TBC1D24: variants seen among roughly 807,000 people sequenced by gnomAD.
TBC1D24 encodes the protein TBC1 domain family member 24, also known as Infantile myoclonic epilepsy.
TBC1D24 carries 47 observed loss-of-function variants against 50.7 expected under a neutral mutation model. The observed-to-expected ratio is 0.93, with a 90% confidence interval of 0.73 to 1.18. The LOEUF (loss-of-function observed/expected upper bound fraction) is 1.18, where lower values mean the gene tolerates loss of function less well. TBC1D24 is among the 50% of genes most tolerant of loss of function. TBC1D24 has a pLI of 0.00. For synonymous variants in TBC1D24, 324 were observed against 335.2 expected, an observed-to-expected ratio of 0.97 and a Z score of 0.36; for missense variants, 688 against 766.5, an observed-to-expected ratio of 0.90 and a Z score of 1.21.
rs1383937921 is a variant in TBC1D24, at chr16:2,500,991, G to T, written c.*33G>T. ...TGCCACGGTGACTGAGCCGTGGTGG[G>T]GCGGTGGGCCGAGGCTGGGCTGCCG... On this transcript the variant is annotated 3_prime_UTR_variant, in exon 8 of 8. Transcript: ENST00000646147. The surrounding 1 kb of genome is among the most constrained non-coding windows in gnomAD (Gnocchi z 8.0). 1 of 1,604,616 alleles carries T rather than the reference G, an allele frequency of 6.2e-7. No homozygotes were observed. The highest frequency in any genetic ancestry group is 2.2e-5 in the East Asian group (1 of 44,872).
At position 2,485,672 on chromosome 16, in the gene TBC1D24, A is replaced by G. The variant is rs999781929; in HGVS notation, c.-115-10362A>G. On this transcript the variant is annotated intron_variant, in intron 1 of 7. Transcript: ENST00000646147. The surrounding 1 kb of genome is among the most constrained non-coding windows in gnomAD (Gnocchi z 4.6). ...GTGGGGGGCTTGTGGGATCTGAGCT[A>G]TCTCCAGGTAGATGTCTCCCGGTGT... Among the ~76,000 whole-genome samples, 1 of 152,122 alleles carries G rather than the reference A, an allele frequency of 6.6e-6. No individual in the cohort carries two copies. Among genetic ancestry groups the G allele is most frequent in the Non-Finnish European group, 1.5e-5 (1 of 68,022 alleles).
At chr16:2,488,082 C>A (rs1032075906) in intron 1 of TBC1D24, among the ~76,000 whole-genome samples, 1 of 152,244 alleles carries the variant, frequency 6.6e-6, no homozygotes, top group Non-Finnish European at 1.5e-5. Context: ...CTCCCACCTG[C>A]CTCCTGGCTA....
intron 4 of TBC1D24, among the ~76,000 whole-genome samples, chr16:2,498,875 C>A (rs2065766893): frequency 1.3e-5 from 2 of 152,324 alleles, no homozygotes; most frequent in South Asian, 4.1e-4. Flanking sequence ...GTGAGGCAGG[C>A]AGAGCTGGTC....
In TBC1D24 at chr16:2,499,284, G is replaced by A; in HGVS notation, c.1143-73G>A. On this transcript the variant is annotated intron_variant, in intron 4 of 7. Transcript: ENST00000646147. This position sits in a 1 kb window ranked among gnomAD's most constrained non-coding sequence, Gnocchi z 4.0. ...CAGGTCTTCGCCCCAAGACAGCTGG[G>A]GCCAGCGGAGGCTGCAGGAGGCGGC... 7.1e-7 allele frequency: 1 copy of A among 1,398,800 alleles called. No homozygotes were observed. The highest frequency in any genetic ancestry group is 1.0e-6 in the Non-Finnish European group (1 of 1,000,412). The allele number at this position is 1,398,800 out of a possible 1,614,324, so 86.6% of individuals were successfully genotyped here. A position where few individuals can be genotyped will look rare whatever the true frequency, so the allele number is the denominator to read the frequency against.
At position 2,497,856 on chromosome 16, in the gene TBC1D24, G is replaced by A. The variant is rs1380060806; in HGVS notation, c.983+129G>A. 3.2e-6 allele frequency: 3 copies of A among 939,392 alleles called. No individual in the cohort carries two copies. In the East Asian group the frequency reaches 7.9e-5, roughly 25 times the overall value. 58.2% of individuals were successfully genotyped at this position (939,392 alleles called of 1,614,324 possible). On this transcript the variant is annotated intron_variant, in intron 3 of 7. Coordinates refer to ENST00000646147, the MANE Select transcript of TBC1D24 (RefSeq NM_001199107.2). ...CTTCAGCAGCGCTGCCTCTGAGCCGGACTGATGCTCAGGCGCCTTCTGTCT... is the reference window on the plus strand; with the variant it reads ...CTTCAGCAGCGCTGCCTCTGAGCCGAACTGATGCTCAGGCGCCTTCTGTCT...
At position 2,485,471 on chromosome 16, in the gene TBC1D24, T is replaced by C. The variant is rs943203684; in HGVS notation, c.-116+10301T>C. The C allele has an allele frequency of 6.6e-6, 1 of 152,250 alleles. No individual in the cohort carries two copies. The highest frequency in any genetic ancestry group is 2.4e-5 in the African/African-American group (1 of 41,462). The allele number at this position is 152,250 out of a possible 1,614,324, so 9.4% of individuals were successfully genotyped here. On this transcript the variant is annotated intron_variant, in intron 1 of 7. Coordinates refer to ENST00000646147, the MANE Select transcript of TBC1D24 (RefSeq NM_001199107.2). This position sits in a 1 kb window ranked among gnomAD's most constrained non-coding sequence, Gnocchi z 4.6. ...GTACCTCACCCTAAAGGTCTCTTCATCTGTGTCCTTTGTAACAACCTTTAT... is the reference window on the plus strand; with the variant it reads ...GTACCTCACCCTAAAGGTCTCTTCACCTGTGTCCTTTGTAACAACCTTTAT...
At position 2,490,726 on chromosome 16, in the gene TBC1D24, G is replaced by A. The variant is rs183574124; in HGVS notation, c.-115-5308G>A. Reference sequence around the variant, plus strand: ...CAACCGCAGGTTAGGGAAGATGCACGGCTTGTCCGCATTTCAAGCAAACAA... The same window carrying A: ...CAACCGCAGGTTAGGGAAGATGCACAGCTTGTCCGCATTTCAAGCAAACAA... On this transcript the variant is annotated intron_variant, in intron 1 of 7. Transcript: ENST00000646147. 2.0e-3 allele frequency among the ~76,000 whole-genome samples: 310 copies of A among 152,292 alleles called. 2 individuals carry two copies. The highest frequency in any genetic ancestry group is 6.8e-3 in the Middle Eastern group (2 of 294).
chr16:2,500,520 G>C lies in TBC1D24; in HGVS notation c.1525+30G>C. On this transcript the variant is annotated intron_variant, in intron 7 of 7. Coordinates refer to ENST00000646147, the MANE Select transcript of TBC1D24 (RefSeq NM_001199107.2). This position sits in a 1 kb window ranked among gnomAD's most constrained non-coding sequence, Gnocchi z 8.0. The stretch of plus-strand genomic sequence containing the variant: ...GCGCCAGCAGACGGGGCTCTGGGAT[G>C]AGGGTGTGGGGTCCGGGCAGCTGAA... The C allele has an allele frequency of 6.5e-7, 1 of 1,539,658 alleles. No homozygotes were observed. Among genetic ancestry groups the C allele is most frequent in the Non-Finnish European group, 8.7e-7 (1 of 1,143,408 alleles).
At chr16:2,498,128 G>T in intron 3 of TBC1D24, 110 bp from the exon 4 acceptor site, 2 of 1,424,158 alleles carry the variant, frequency 1.4e-6, no homozygotes, top group South Asian at 1.2e-5. Flanking sequence ...GCAAGCAGGC[G>T]AGAAGTTCCC....
In TBC1D24 at chr16:2,496,035, G is replaced by T; in HGVS notation, c.-114G>T. The stretch of plus-strand genomic sequence containing the variant: ...AAAAGTGTTTTTTTAATCCTGCAGG[G>T]TGTGAGATGGCAGACAGGTTTGCAG... On this transcript the variant is annotated splice_region_variant and 5_prime_UTR_variant, in exon 2 of 8. Coordinates refer to ENST00000646147, the MANE Select transcript of TBC1D24 (RefSeq NM_001199107.2). 6.0e-6 allele frequency: 8 copies of T among 1,338,226 alleles called. No individual in the cohort carries two copies. Among genetic ancestry groups the T allele is most frequent in the Non-Finnish European group, 8.4e-6 (8 of 953,518 alleles). 82.9% of individuals were successfully genotyped at this position (1,338,226 alleles called of 1,614,324 possible).
rs1012354118 is a variant in TBC1D24, at chr16:2,485,646, C to T, written c.-115-10388C>T. ...TGGACTTCTGACTGGTGTCTGGAGA[C>T]GTGGGGGGCTTGTGGGATCTGAGCT... On this transcript the variant is annotated intron_variant, in intron 1 of 7. Coordinates refer to ENST00000646147, the MANE Select transcript of TBC1D24 (RefSeq NM_001199107.2). The surrounding 1 kb of genome is among the most constrained non-coding windows in gnomAD (Gnocchi z 4.6). The T allele has an allele frequency of 2.6e-5, 4 of 152,226 alleles. No individual in the cohort carries two copies. Among genetic ancestry groups the T allele is most frequent in the East Asian group, 1.9e-4 (1 of 5,184 alleles). 9.4% of individuals were successfully genotyped at this position (152,226 alleles called of 1,614,324 possible).
intron 1 of TBC1D24, chr16:2,493,647 A>C (rs1382723545): frequency 6.6e-6 from 1 of 152,212 alleles, no homozygotes; most frequent in Non-Finnish European, 1.5e-5. Context: ...CACTCAACCA[A>C]AACCTGCTGA....
Position 2,499,958 on chromosome 16 carries a change from C to G in TBC1D24, c.1302+28C>G. The G allele has an allele frequency of 6.3e-7, 1 of 1,597,830 alleles. No individual in the cohort carries two copies. The highest frequency in any genetic ancestry group is 8.6e-7 in the Non-Finnish European group (1 of 1,165,222). ...GAGTGGGGCCAAGTGTCCCCAAACC[C>G]CCACGCAGACCCTGTAGCTGCATCC... On this transcript the variant is annotated intron_variant, in intron 6 of 7. Transcript: ENST00000646147. This position sits in a 1 kb window ranked among gnomAD's most constrained non-coding sequence, Gnocchi z 4.0.
chr16:2,491,487 C>T (rs1182132165), intron 1 of TBC1D24, among the ~76,000 whole-genome samples: 2 of 151,400 alleles, frequency 1.3e-5, no homozygotes, highest in African/African-American at 4.9e-5. Flanking sequence ...CTCCTGGGCT[C>T]TGGTGATCCT....
rs998295095 is a variant in TBC1D24, at chr16:2,487,302, C to T, written c.-115-8732C>T. ...AAGCCGCCTCTCCCTGGCACAGAGG[C>T]GGCACCTCAGTGGAGGTCTGTCATG... On this transcript the variant is annotated intron_variant, in intron 1 of 7. Transcript: ENST00000646147. This position sits in a 1 kb window ranked among gnomAD's most constrained non-coding sequence, Gnocchi z 4.1. Among the ~76,000 whole-genome samples, 1 of 152,216 alleles carries T rather than the reference C, an allele frequency of 6.6e-6. No individual in the cohort carries two copies. The highest frequency in any genetic ancestry group is 2.4e-5 in the African/African-American group (1 of 41,466).
intron 1 of TBC1D24, chr16:2,480,259 T>C (rs1185630518): frequency 6.6e-6 from 1 of 152,190 alleles, no homozygotes; most frequent in Non-Finnish European, 1.5e-5. Context: ...GCCTTCTGAG[T>C]GGCTGGGACT....
chr16:2,500,229 A>G lies in TBC1D24; in HGVS notation c.1303-39A>G. ...GGCTCTGGGGCAGAGGGGCCTGCGA[A>G]CGCCCGCGCCAGCTCCTCACACTCC... is the stretch of plus-strand genomic sequence containing the variant. On this transcript the variant is annotated intron_variant, in intron 6 of 7. Coordinates refer to ENST00000646147, the MANE Select transcript of TBC1D24 (RefSeq NM_001199107.2). The surrounding 1 kb of genome is among the most constrained non-coding windows in gnomAD (Gnocchi z 8.0). 1 of 1,529,194 alleles carries G rather than the reference A, an allele frequency of 6.5e-7. No homozygotes were observed. The highest frequency in any genetic ancestry group is 8.9e-7 in the Non-Finnish European group (1 of 1,124,426). 94.7% of individuals were successfully genotyped at this position (1,529,194 alleles called of 1,614,324 possible).
rs886051847 is a variant in TBC1D24 at position 2,501,015 on chromosome 16, C to T, written c.*57C>T. ...GGGCGGTGGGCCGAGGCTGGGCTGCCGCCTCGGGCAGCAGAGAGCAGATGA... is the reference window on the plus strand; with the variant it reads ...GGGCGGTGGGCCGAGGCTGGGCTGCTGCCTCGGGCAGCAGAGAGCAGATGA... On this transcript the variant is annotated 3_prime_UTR_variant, in exon 8 of 8. Coordinates refer to ENST00000646147, the MANE Select transcript of TBC1D24 (RefSeq NM_001199107.2). 2.5e-6 allele frequency: 4 copies of T among 1,596,006 alleles called. No homozygotes were observed. In the African/African-American group the frequency reaches 4.0e-5, roughly 16 times the overall value.
Position 2,500,608 on chromosome 16 carries a change from AC to A in TBC1D24, c.1525+120del. The A allele has an allele frequency of 1.5e-6, 2 of 1,316,184 alleles. No individual in the cohort carries two copies. The highest frequency in any genetic ancestry group is 2.1e-6 in the Non-Finnish European group (2 of 966,482). The allele number at this position is 1,316,184 out of a possible 1,614,324, so 81.5% of individuals were successfully genotyped here. A position where few individuals can be genotyped will look rare whatever the true frequency, so the allele number is the denominator to read the frequency against. The stretch of plus-strand genomic sequence containing the variant: ...GAAGAGGCCCTGGGTGTCAGGGTGG[AC>A]CAGGCATGATGGGTGGGAGGGGGCT... On this transcript the variant is annotated intron_variant, in intron 7 of 7. Coordinates refer to ENST00000646147, the MANE Select transcript of TBC1D24 (RefSeq NM_001199107.2). This position sits in a 1 kb window ranked among gnomAD's most constrained non-coding sequence, Gnocchi z 8.0.
Sources: gnomAD v4.1 joint callset for allele counts (sites outside exome capture counted in the v4.1 genomes callset) on GRCh38, gnomAD v4.1.1 for gene constraint, Gnocchi (gnomAD v3.1) non-coding constraint, MANE v1.5 for transcripts, NCBI Gene and HGNC (gene_info 2026-07-23, HGNC 2026-07-21) for gene names.